B3GNT2: variants seen among roughly 807,000 people sequenced by gnomAD.
B3GNT2 encodes the protein UDP-GlcNAc:betaGal beta-1,3-N-acetylglucosaminyltransferase 2.
In B3GNT2, 12 loss-of-function variants were observed where a neutral mutation model predicts 27.6. The observed-to-expected ratio is 0.44, with a 90% CI of 0.28 to 0.71. The LOEUF is 0.71. Among genes scored for constraint, B3GNT2 ranks in the 30% least tolerant of loss-of-function variants. The pLI, the probability that B3GNT2 is intolerant of heterozygous loss-of-function variation, is 0.17. For missense variants in B3GNT2, 413 were observed against 488.5 expected, an observed-to-expected ratio of 0.85 and a Z score of 1.46; for synonymous variants, 192 against 189.7, an observed-to-expected ratio of 1.01 and a Z score of -0.10.
At chr2:62,210,453 T>C (rs949234934) in intron 1 of B3GNT2, among the ~76,000 whole-genome samples, 3 of 151,418 alleles carry the variant, frequency 2.0e-5, no homozygotes, top group African/African-American at 7.4e-5. Context: ...CAGGGAGATG[T>C]TCTTTTTTGG....
intron 1 of B3GNT2, among the ~76,000 whole-genome samples, chr2:62,198,793 T>C (rs1050207880): frequency 1.3e-5 from 2 of 152,152 alleles, no homozygotes; most frequent in African/African-American, 4.8e-5. Context: ...TGTTCAGATA[T>C]GTGGTTTTTT....
intron 1 of B3GNT2, among the ~76,000 whole-genome samples, chr2:62,210,357 A>C (rs974034397): frequency 8.5e-5 from 13 of 152,206 alleles, no homozygotes; most frequent in Admixed American, 8.5e-4. Context: ...TGAGATGAGA[A>C]CATCCCAACA....
In B3GNT2 at chr2:62,222,012, A is replaced by G. The variant is rs1165787041; in HGVS notation, c.-9-200A>G. 6.6e-6 allele frequency among the ~76,000 whole-genome samples: 1 copy of G among 152,216 alleles called. No individual in the cohort carries two copies. The highest frequency in any genetic ancestry group is 1.5e-5 in the Non-Finnish European group (1 of 68,030). ...AGTGGGCTTGATTCCCATTTTATAT[A>G]TGGAGAAGTTGAGACAGGGACTATC... On this transcript the variant is annotated intron_variant, in intron 1 of 1. Coordinates refer to ENST00000301998, the MANE Select transcript of B3GNT2 (RefSeq NM_006577.6). The surrounding 1 kb of genome is among the most constrained non-coding windows in gnomAD (Gnocchi z 4.2).
intron 1 of B3GNT2, among the ~76,000 whole-genome samples, chr2:62,200,189 G>A (rs1323895709): frequency 6.6e-6 from 1 of 152,094 alleles, no homozygotes; most frequent in Admixed American, 6.5e-5. Context: ...GATGTCTTTT[G>A]AGAGTCATAA....
intron 1 of B3GNT2, among the ~76,000 whole-genome samples, chr2:62,205,239 C>T (rs1484869367): frequency 6.6e-6 from 1 of 152,134 alleles, no homozygotes; most frequent in Non-Finnish European, 1.5e-5. Flanking sequence ...CAATAGTGCC[C>T]ACATATTGAG....
chr2:62,200,065 C>G (rs529228144), intron 1 of B3GNT2, among the ~76,000 whole-genome samples: 1 of 152,306 alleles, frequency 6.6e-6, no homozygotes. Flanking sequence ...CTATTTGTTA[C>G]AAATTTTAAG....
At chr2:62,202,801 T>C (rs1674294547) in intron 1 of B3GNT2, among the ~76,000 whole-genome samples, 1 of 152,192 alleles carries the variant, frequency 6.6e-6, no homozygotes, top group Admixed American at 6.5e-5. Flanking sequence ...CCCTGTCTTC[T>C]TCAGAGGAAA....
intron 1 of B3GNT2, among the ~76,000 whole-genome samples, 168 bp downstream of exon 1, chr2:62,196,523 C>T (rs989982641): frequency 4.6e-5 from 7 of 152,252 alleles, no homozygotes; most frequent in African/African-American, 1.4e-4. Flanking sequence ...ACCCGCGCCC[C>T]GGTGGAGGAA....
chr2:62,215,081 C>T (rs1478909497), intron 1 of B3GNT2, among the ~76,000 whole-genome samples: 1 of 152,170 alleles, frequency 6.6e-6, no homozygotes, highest in East Asian at 1.9e-4. Context: ...AAATCGGCCA[C>T]ACTGGGCTTT....
intron 1 of B3GNT2, among the ~76,000 whole-genome samples, chr2:62,210,859 G>C (rs756376577): frequency 3.3e-5 from 5 of 152,184 alleles, no homozygotes; most frequent in Non-Finnish European, 7.3e-5. Context: ...GGATAAATCA[G>C]TGTGACCTTT....
In B3GNT2 at chr2:62,220,283, G is replaced by A. The variant is rs577203231; in HGVS notation, c.-9-1929G>A. On this transcript the variant is annotated intron_variant, in intron 1 of 1. Transcript: ENST00000301998. ...AGACAGCTAGCCTGTGAGGGTAGAC[G>A]CAAGATGGAGTCAGCCATGCTAGAT... Among the ~76,000 whole-genome samples the A allele has an allele frequency of 2.0e-5, 3 of 152,336 alleles. No homozygotes were observed. In the South Asian group the frequency reaches 6.2e-4, roughly 32 times the overall value.
intron 1 of B3GNT2, among the ~76,000 whole-genome samples, chr2:62,196,597 C>T (rs1674147774): frequency 6.6e-6 from 1 of 152,246 alleles, no homozygotes; most frequent in South Asian, 2.1e-4. Context: ...CCCAGCCACC[C>T]AACCTCAGCC....
chr2:62,219,551 T>A (rs1404769166), intron 1 of B3GNT2, among the ~76,000 whole-genome samples: 1 of 152,096 alleles, frequency 6.6e-6, no homozygotes. Context: ...AAGTGCTGGG[T>A]TTACAGGCGT....
At chr2:62,202,667 G>A (rs1674291328) in intron 1 of B3GNT2, among the ~76,000 whole-genome samples, 1 of 152,224 alleles carries the variant, frequency 6.6e-6, no homozygotes, top group Non-Finnish European at 1.5e-5. Flanking sequence ...GGTCATTGCA[G>A]TCCCTGCGTT....
intron 1 of B3GNT2, among the ~76,000 whole-genome samples, chr2:62,213,693 T>A (rs1327634305): frequency 6.6e-6 from 1 of 152,230 alleles, no homozygotes; most frequent in Non-Finnish European, 1.5e-5. Context: ...GCTGAAATTC[T>A]TATCTCCCCT....
intron 1 of B3GNT2, among the ~76,000 whole-genome samples, chr2:62,216,315 G>C (rs17515892): frequency 0.13 from 19,051 of 152,032 alleles, 1,373 homozygotes; most frequent in Admixed American, 0.22. Context: ...CCTTTGCTTT[G>C]GTCAGAGTGA....
intron 1 of B3GNT2, among the ~76,000 whole-genome samples, chr2:62,202,178 A>C (rs942638172): frequency 4.6e-5 from 7 of 152,244 alleles, no homozygotes; most frequent in African/African-American, 1.7e-4. Flanking sequence ...TGCTGCCTTC[A>C]GTGGGCAGTG....
intron 1 of B3GNT2, among the ~76,000 whole-genome samples, chr2:62,217,243 A>G (rs1674593198): frequency 6.6e-6 from 1 of 152,220 alleles, no homozygotes; most frequent in Non-Finnish European, 1.5e-5. Flanking sequence ...CATACGCAGC[A>G]GCGTTTGCTT....
At position 62,222,776 on chromosome 2, in the gene B3GNT2, C is replaced by A; in HGVS notation, c.556C>A (p.Pro186Thr). ...VVRVFLLGQT[P>T]PEDNHPDLSD... ...GCGAGTCTTCCTGCTGGGCCAGACACCCCCAGAGGACAACCACCCCGACCT... is the reference window on the plus strand; with the variant it reads ...GCGAGTCTTCCTGCTGGGCCAGACAACCCCAGAGGACAACCACCCCGACCT... Residue 186 changes from proline to threonine, a missense_variant, in exon 2 of 2, where the codon CCC becomes ACC. Physicochemically the swap from Pro to Thr is conservative, Grantham distance 38. Transcript: ENST00000301998. This position sits in a 1 kb window ranked among gnomAD's most constrained non-coding sequence, Gnocchi z 4.2. The A allele has an allele frequency of 6.2e-7, 1 of 1,614,156 alleles. No homozygotes were observed. The highest frequency in any genetic ancestry group is 8.5e-7 in the Non-Finnish European group (1 of 1,180,040).
Sources: allele counts gnomAD v4.1 joint callset (sites outside exome capture counted in the v4.1 genomes callset), GRCh38; gene constraint gnomAD v4.1.1; non-coding constraint Gnocchi (gnomAD v3.1); transcripts MANE v1.5; gene names NCBI Gene and HGNC (gene_info 2026-07-23, HGNC 2026-07-21).